ITGA11: variants seen among roughly 807,000 people sequenced by gnomAD.
ITGA11 encodes the protein integrin subunit alpha 11, also known as integrin alpha-11.
Under a neutral mutation model 141.9 loss-of-function variants are expected in ITGA11, and 97 were observed. That is an observed-to-expected ratio of 0.68 (90% CI 0.58 to 0.81). The LOEUF is 0.81. Ranked by LOEUF, ITGA11 falls within the 30% of genes least tolerant of loss-of-function variation. ITGA11 has a pLI of 0.00. For synonymous variants in ITGA11, 658 were observed against 624.6 expected, an observed-to-expected ratio of 1.05 and a Z score of -0.80; for missense variants, 1,387 against 1,559.2, an observed-to-expected ratio of 0.89 and a Z score of 1.86.
At chr15:68,339,784 C>A in intron 10 of ITGA11, 140 bp from the exon 11 acceptor site, 1 of 900,632 alleles carries the variant, frequency 1.1e-6, no homozygotes, top group Non-Finnish European at 1.7e-6. Context: ...AGCAACCTAA[C>A]TTCTGGCTGG....
chr15:68,355,724 G>T (rs576727986), intron 7 of ITGA11, among the ~76,000 whole-genome samples: 3 of 151,958 alleles, frequency 2.0e-5, no homozygotes, highest in Admixed American at 2.0e-4. Context: ...TGGGATTACA[G>T]GTCTGAGCCA....
rs954214394 is a variant in ITGA11 at position 68,325,399 on chromosome 15, C to T, written c.2212-158G>A. Among the ~76,000 whole-genome samples, 9 of 151,774 alleles carry T rather than the reference C, an allele frequency of 5.9e-5. No individual in the cohort carries two copies. The highest frequency in any genetic ancestry group is 1.2e-4 in the African/African-American group (5 of 41,424). ...TCTGCAGGTGGATGGAGGTTTCTAG[C>T]GGGTCTGTTGGTGGGAAGAGTGTGC... On this transcript the variant is annotated intron_variant, in intron 17 of 29. Coordinates refer to ENST00000315757, the MANE Select transcript of ITGA11 (RefSeq NM_001004439.2). The surrounding 1 kb of genome is among the most constrained non-coding windows in gnomAD (Gnocchi z 5.5).
rs745664799 is a variant in ITGA11 at position 68,350,764 on chromosome 15, G to A, written c.913C>T (p.Arg305Cys). 21 of 1,613,280 alleles carry A rather than the reference G, an allele frequency of 1.3e-5. No individual in the cohort carries two copies. Among genetic ancestry groups the A allele is most frequent in the South Asian group, 4.4e-5 (4 of 90,948 alleles). ...YAVAVLGYYN[R>C]RGINPETFLN... is the part of the protein sequence containing the mutation. ...AAAGTTTCTGGATTGATCCCCCTGC[G>A]GTTGTAGTAGCCCAGGACCTGCCAG... Residue 305 changes from arginine to cysteine, a missense_variant, in exon 9 of 30, where the codon CGC becomes TGC. By Grantham distance (180) the Arg-to-Cys change is radical (BLOSUM62 -3). Coordinates refer to ENST00000315757, the MANE Select transcript of ITGA11 (RefSeq NM_001004439.2).
intron 21 of ITGA11, among the ~76,000 whole-genome samples, chr15:68,316,980 G>T (rs935112635): frequency 4.6e-5 from 7 of 152,220 alleles, no homozygotes; most frequent in Non-Finnish European, 8.8e-5. Context: ...AACTTGTGAG[G>T]CTGCAGAACA....
Position 68,312,634 on chromosome 15 carries a change from A to T in ITGA11, c.2973+139T>A, listed in dbSNP as rs1237643403. Reference sequence around the variant, plus strand: ...AGGCCCAGAGAGGAGAAGTGACTTGACTAAAGTCGCACAGTGGGTGGGTGG... The same window carrying T: ...AGGCCCAGAGAGGAGAAGTGACTTGTCTAAAGTCGCACAGTGGGTGGGTGG... On this transcript the variant is annotated intron_variant, in intron 24 of 29. Coordinates refer to ENST00000315757, the MANE Select transcript of ITGA11 (RefSeq NM_001004439.2). 7 of 631,816 alleles carry T rather than the reference A, an allele frequency of 1.1e-5. No individual in the cohort carries two copies. The Admixed American group carries it at 1.8e-4, about 16-fold the overall frequency. The allele number at this position is 631,816 out of a possible 1,614,324, so 39.1% of individuals were successfully genotyped here. A position where few individuals can be genotyped will look rare whatever the true frequency, so the allele number is the denominator to read the frequency against.
At position 68,348,881 on chromosome 15, in the gene ITGA11, G is replaced by A. The variant is rs1218985348; in HGVS notation, c.1080C>T (p.Thr360=). Residue 360 remains threonine, a synonymous_variant, in exon 10 of 30, where the codon ACC becomes ACT. Coordinates refer to ENST00000315757, the MANE Select transcript of ITGA11 (RefSeq NM_001004439.2). ...TCTGTGACATCTCCAGCCCAAAGGA[G>A]GTCTCGTTCTTGTTGGTGCCTGCAA... ...FSLEGTNKNE[T]SFGLEMSQTG... The A allele has an allele frequency of 2.5e-6, 4 of 1,608,166 alleles. No homozygotes were observed. The highest frequency in any genetic ancestry group is 2.5e-6 in the Non-Finnish European group (3 of 1,177,400).
intron 23 of ITGA11, 128 bp from the exon 24 acceptor site, chr15:68,312,991 C>T (rs1893444690): frequency 1.2e-5 from 8 of 641,712 alleles, no homozygotes; most frequent in Middle Eastern, 3.1e-4. Context: ...CCGCTTGTGT[C>T]GGCTGGGAGT....
chr15:68,316,108 G>A (rs938747623), intron 21 of ITGA11, among the ~76,000 whole-genome samples: 4 of 152,196 alleles, frequency 2.6e-5, no homozygotes, highest in Admixed American at 6.5e-5. Context: ...GATGGCCATC[G>A]CCATGCACCA....
chr15:68,404,089 TCTC>T (rs1272594713), intron 1 of ITGA11, among the ~76,000 whole-genome samples: 1 of 151,952 alleles, frequency 6.6e-6, no homozygotes. Context: ...CTTTTGTTGG[TCTC>T]CTCTTTTTTT....
chr15:68,331,140 G>A (rs1410125603), intron 14 of ITGA11, 29 bp from the exon 15 acceptor site: 1 of 1,548,282 alleles, frequency 6.5e-7, no homozygotes, highest in East Asian at 2.4e-5. Flanking sequence ...GAGGGGGAGG[G>A]CATGCACACT....
At chr15:68,403,444 A>G (rs537530583) in intron 1 of ITGA11, among the ~76,000 whole-genome samples, 1 of 151,984 alleles carries the variant, frequency 6.6e-6, no homozygotes, top group South Asian at 2.1e-4. Context: ...GGTGTTTAAG[A>G]GTGTGGGGCC....
At chr15:68,315,800 C>T in intron 21 of ITGA11, 73 bp from the exon 22 acceptor site, 2 of 1,242,230 alleles carry the variant, frequency 1.6e-6, no homozygotes, top group Non-Finnish European at 2.2e-6. Flanking sequence ...CCACTCCCCA[C>T]AGCCCCCTGC....
Position 68,328,316 on chromosome 15 carries a change from C to T in ITGA11, c.1902-54G>A. 2 of 1,534,322 alleles carry T rather than the reference C, an allele frequency of 1.3e-6. No individual in the cohort carries two copies. The highest frequency in any genetic ancestry group is 1.8e-5 in the Admixed American group (1 of 55,140). Reference sequence around the variant, plus strand: ...TGGGGCAGGGGCTCAGGCTGCCCTGCTGTGACCATGGGGAAAGACAAGAAC... The same window carrying T: ...TGGGGCAGGGGCTCAGGCTGCCCTGTTGTGACCATGGGGAAAGACAAGAAC... On this transcript the variant is annotated intron_variant, in intron 15 of 29. Transcript: ENST00000315757. The surrounding 1 kb of genome is among the most constrained non-coding windows in gnomAD (Gnocchi z 4.8).
rs183047708 is a variant in ITGA11, at chr15:68,322,744, C to T, written c.2323-1241G>A. 4.3e-3 allele frequency among the ~76,000 whole-genome samples: 646 copies of T among 151,966 alleles called. 2 individuals are homozygous for T. Among genetic ancestry groups the T allele is most frequent in the African/African-American group, 0.015 (612 of 41,410 alleles). On this transcript the variant is annotated intron_variant, in intron 18 of 29. Transcript: ENST00000315757. The surrounding 1 kb of genome is among the most constrained non-coding windows in gnomAD (Gnocchi z 5.6). ...TTAGCTGGGCGCAGTGGCTGCAGTC[C>T]CAGCTACTCGGGAGGCTGAGGCAGG...
intron 2 of ITGA11, among the ~76,000 whole-genome samples, chr15:68,387,675 A>G (rs1189668442): frequency 6.6e-6 from 1 of 152,086 alleles, no homozygotes; most frequent in Non-Finnish European, 1.5e-5. Flanking sequence ...CTGGGCTCCA[A>G]TCCTGGTAGA....
At chr15:68,429,826 T>C (rs79801325) in intron 1 of ITGA11, among the ~76,000 whole-genome samples, 7,837 of 152,280 alleles carry the variant, frequency 0.051, 189 homozygotes, top group Non-Finnish European at 0.059. Flanking sequence ...CATTCCCACT[T>C]TCAGGCCCAT....
intron 8 of ITGA11, among the ~76,000 whole-genome samples, 153 bp from the exon 9 acceptor site, chr15:68,350,935 G>A (rs1012070293): frequency 2.0e-5 from 3 of 152,186 alleles, no homozygotes; most frequent in Non-Finnish European, 4.4e-5. Context: ...ATTTGGAATG[G>A]ACTCTCTTTT....
rs913221357 is a variant in ITGA11, at chr15:68,309,590, C to CTTT, written c.3174+1401_3174+1403dup. On this transcript the variant is annotated intron_variant, in intron 26 of 29. Transcript: ENST00000315757. Reference sequence around the variant, plus strand: ...GGAATGTAACCATGTCAATACAGTCCTTTTTTTTTTTTTTTTTTTTTTGAG... The same window carrying CTTT: ...GGAATGTAACCATGTCAATACAGTCCTTTTTTTTTTTTTTTTTTTTTTTTTGAG... 4.2e-3 allele frequency among the ~76,000 whole-genome samples: 455 copies of CTTT among 108,690 alleles called. 10 individuals are homozygous for CTTT. Among genetic ancestry groups the CTTT allele is most frequent in the East Asian group, 8.1e-3 (35 of 4,334 alleles). 71.3% of individuals were successfully genotyped at this position (108,690 alleles called of 152,430 possible).
chr15:68,358,526 A>AG lies in ITGA11; in HGVS notation c.531dup (p.Trp178LeufsTer36). 6.2e-7 allele frequency: 1 copy of AG among 1,614,084 alleles called. No homozygotes were observed. The highest frequency in any genetic ancestry group is 8.5e-7 in the Non-Finnish European group (1 of 1,179,954). On this transcript the variant is annotated frameshift_variant, in exon 6 of 30. Transcript: ENST00000315757. LOFTEE classifies it high-confidence loss of function. ...ATGAGGAAGTGCTGAACCTCCACCC[A>AG]GGGGTAGATGCTGTTGGAGCCATCC...
Sources: gnomAD v4.1 joint callset for allele counts (sites outside exome capture counted in the v4.1 genomes callset) on GRCh38, gnomAD v4.1.1 for gene constraint, Gnocchi (gnomAD v3.1) non-coding constraint, MANE v1.5 for transcripts, NCBI Gene and HGNC (gene_info 2026-07-23, HGNC 2026-07-21) for gene names.